The following COG5 variants were observed in gnomAD, a reference collection of about 807,000 sequenced individuals.
COG5 encodes conserved oligomeric Golgi complex subunit 5.
A neutral mutation model predicts 110.4 loss-of-function variants in COG5; 86 were observed. The observed-to-expected ratio is 0.78, with a 90% CI of 0.65 to 0.93. The LOEUF is 0.93. COG5 is among the 40% of genes least tolerant of loss of function. The pLI is 0.00. For missense variants in COG5, 1,077 were observed against 987.0 expected, an observed-to-expected ratio of 1.09 and a Z score of -1.22; for synonymous variants, 360 against 334.6, an observed-to-expected ratio of 1.08 and a Z score of -0.83.
intron 10 of COG5, among the ~76,000 whole-genome samples, chr7:107,330,554 T>A (rs1490718765): frequency 6.6e-6 from 1 of 152,216 alleles, no homozygotes; most frequent in Non-Finnish European, 1.5e-5. Flanking sequence ...ATGGATTTCC[T>A]GGCTCAAATA....
At chr7:107,324,561 T>C (rs1443210004) in intron 10 of COG5, 40 bp from the exon 11 acceptor site, 2 of 1,238,702 alleles carry the variant, frequency 1.6e-6, no homozygotes, top group Non-Finnish European at 1.2e-6. Flanking sequence ...AATAAAAAAA[T>C]GCATTTATTT....
chr7:107,272,128 A>T (rs1157670142), intron 14 of COG5, among the ~76,000 whole-genome samples: 1 of 152,016 alleles, frequency 6.6e-6, no homozygotes, highest in African/African-American at 2.4e-5. Flanking sequence ...AAAGGAAAAT[A>T]AATGTTGGGG....
intron 12 of COG5, among the ~76,000 whole-genome samples, chr7:107,295,090 TA>T (rs1562955759): frequency 1.3e-4 from 10 of 75,678 alleles, no homozygotes; most frequent in African/African-American, 4.0e-4. Context: ...TATATATATA[TA>T]TATATATATA....
chr7:107,211,834 A>T (rs1027055439), intron 19 of COG5, among the ~76,000 whole-genome samples: 1 of 152,166 alleles, frequency 6.6e-6, no homozygotes, highest in African/African-American at 2.4e-5. Flanking sequence ...TTCCACTACA[A>T]ATTATATACC....
intron 6 of COG5, among the ~76,000 whole-genome samples, chr7:107,444,921 C>A (rs891251443): frequency 6.6e-6 from 1 of 152,172 alleles, no homozygotes; most frequent in Non-Finnish European, 1.5e-5. Flanking sequence ...AGCGTAGTGG[C>A]TCATGCCTGT....
intron 6 of COG5, among the ~76,000 whole-genome samples, chr7:107,447,164 C>A (rs1017494499): frequency 2.0e-5 from 3 of 152,114 alleles, no homozygotes; most frequent in African/African-American, 7.2e-5. Flanking sequence ...TAGAGGCCAC[C>A]CACATTCCTT....
intron 6 of COG5, among the ~76,000 whole-genome samples, chr7:107,441,888 T>A (rs911104797): frequency 3.3e-5 from 5 of 152,220 alleles, no homozygotes; most frequent in African/African-American, 1.2e-4. Flanking sequence ...AATAGAAATA[T>A]TCTTCAAAAT....
chr7:107,453,588 C>T (rs1016113958), intron 6 of COG5, among the ~76,000 whole-genome samples: 5 of 152,092 alleles, frequency 3.3e-5, no homozygotes, highest in Non-Finnish European at 1.5e-5. Flanking sequence ...GAGCAATTTC[C>T]CTCAGATTAC....
intron 10 of COG5, among the ~76,000 whole-genome samples, chr7:107,332,749 T>C (rs1265883788): frequency 6.6e-6 from 1 of 152,092 alleles, no homozygotes; most frequent in African/African-American, 2.4e-5. Context: ...GGTAGCTTAC[T>C]GAAACCTGAG....
At chr7:107,558,141 A>C in intron 1 of COG5, 26 bp from the exon 2 acceptor site, 1 of 1,609,678 alleles carries the variant, frequency 6.2e-7, no homozygotes, top group Non-Finnish European at 8.5e-7. Context: ...AATAAGGAAA[A>C]GTCCTTAATT....
chr7:107,399,722 G>A (rs1440495995), intron 7 of COG5, among the ~76,000 whole-genome samples: 1 of 152,136 alleles, frequency 6.6e-6, no homozygotes, highest in Non-Finnish European at 1.5e-5. Context: ...CTTACATCCA[G>A]AATGTAATAA....
chr7:107,548,334 T>C lies in COG5; in HGVS notation c.293-2A>G. On this transcript the variant is annotated splice_acceptor_variant, in intron 3 of 21. Transcript: ENST00000297135. LOFTEE classifies it high-confidence loss of function. Reference sequence around the variant, plus strand: ...TCGTCTGCATCATCTGAAGAACACCTAGGAAAACATAAGTTTACATTGGCT... The same window carrying C: ...TCGTCTGCATCATCTGAAGAACACCCAGGAAAACATAAGTTTACATTGGCT... 1 of 1,613,594 alleles carries C rather than the reference T, an allele frequency of 6.2e-7. No homozygotes were observed. The highest frequency in any genetic ancestry group is 8.5e-7 in the Non-Finnish European group (1 of 1,179,530).
intron 19 of COG5, among the ~76,000 whole-genome samples, chr7:107,222,469 G>A (rs927492459): frequency 6.6e-6 from 1 of 152,180 alleles, no homozygotes; most frequent in Non-Finnish European, 1.5e-5. Flanking sequence ...CTTCCAAAGT[G>A]CTGGGATTAC....
intron 11 of COG5, among the ~76,000 whole-genome samples, chr7:107,308,247 C>A (rs1490889316): frequency 1.3e-5 from 2 of 152,138 alleles, no homozygotes; most frequent in Non-Finnish European, 2.9e-5. Context: ...ACCTTGACTG[C>A]ATCTTGAAAT....
intron 6 of COG5, among the ~76,000 whole-genome samples, chr7:107,463,426 G>A (rs1410756758): frequency 6.6e-6 from 1 of 152,154 alleles, no homozygotes; most frequent in Non-Finnish European, 1.5e-5. Flanking sequence ...TATTTTTGCT[G>A]AATCACCCAG....
At chr7:107,413,562 A>T (rs1792471889) in intron 6 of COG5, among the ~76,000 whole-genome samples, 2 of 152,040 alleles carry the variant, frequency 1.3e-5, no homozygotes, top group Non-Finnish European at 2.9e-5. Flanking sequence ...ACCAGGAAAA[A>T]AATGTAGTAA....
chr7:107,462,083 T>C (rs1796024809), intron 6 of COG5, among the ~76,000 whole-genome samples: 1 of 152,102 alleles, frequency 6.6e-6, no homozygotes, highest in South Asian at 2.1e-4. Flanking sequence ...AAACAAATGA[T>C]CTACAAATAG....
In COG5 at chr7:107,201,400, T is replaced by TTTTA. The variant is rs747785547; in HGVS notation, c.*2112_*2115dup. 10 of 1,553,174 alleles carry TTTTA rather than the reference T, an allele frequency of 6.4e-6. No individual in the cohort carries two copies. The highest frequency in any genetic ancestry group is 4.5e-5 in the South Asian group (4 of 89,144). ...ATTTGTAAACATTCACTGAGTTTAATTTTATTTCCACAGGGCTCACAACAA... is the reference window on the plus strand; with the variant it reads ...ATTTGTAAACATTCACTGAGTTTAATTTTATTTATTTCCACAGGGCTCACAACAA... On this transcript the variant is annotated 3_prime_UTR_variant, in exon 22 of 22. Coordinates refer to ENST00000297135, the MANE Select transcript of COG5 (RefSeq NM_006348.5).
intron 7 of COG5, among the ~76,000 whole-genome samples, chr7:107,389,134 C>T (rs1021845308): frequency 3.3e-5 from 5 of 152,230 alleles, no homozygotes; most frequent in Non-Finnish European, 5.9e-5. Flanking sequence ...GCCTTTCTTT[C>T]GCCCTGTCAC....
Sources: gnomAD v4.1 joint callset for allele counts (sites outside exome capture counted in the v4.1 genomes callset) on GRCh38, gnomAD v4.1.1 for gene constraint, MANE v1.5 for transcripts, NCBI Gene and HGNC (gene_info 2026-07-23, HGNC 2026-07-21) for gene names.